AGAP1: variants seen among roughly 807,000 people sequenced by gnomAD.
AGAP1 encodes the protein arf-GAP with GTPase, ANK repeat and PH domain-containing protein 1.
Under a neutral mutation model 105.3 loss-of-function variants are expected in AGAP1, and 29 were observed. The observed-to-expected ratio is 0.28, with a 90% confidence interval of 0.21 to 0.38. AGAP1 has a LOEUF of 0.38. Among genes scored for constraint, AGAP1 ranks in the 10% least tolerant of loss-of-function variants. The pLI is 1.00. For missense variants in AGAP1, 998 were observed against 1,165.1 expected (o/e 0.86, Z 2.09); for synonymous variants, 509 against 485.9 (o/e 1.05, Z -0.63).
intron 9 of AGAP1, among the ~76,000 whole-genome samples, chr2:235,861,899 A>G (rs2048941089): frequency 6.6e-6 from 1 of 152,248 alleles, no homozygotes; most frequent in African/African-American, 2.4e-5. Flanking sequence ...CTGACATGTT[A>G]GATGTAACAT....
rs1946517655 is a variant in AGAP1 at position 235,622,535 on chromosome 2, C to A, written c.164-86644C>A. On this transcript the variant is annotated intron_variant, in intron 1 of 17. Transcript: ENST00000304032. The surrounding 1 kb of genome is among the most constrained non-coding windows in gnomAD (Gnocchi z 5.0). The stretch of plus-strand genomic sequence containing the variant: ...ACAGTGTTGGCTGCTGCTGTGCTTC[C>A]TTTAACTGAACCCCGGTGGCCCAGT... Among the ~76,000 whole-genome samples, 1 of 152,086 alleles carries A rather than the reference C, an allele frequency of 6.6e-6. No individual in the cohort carries two copies. The highest frequency in any genetic ancestry group is 2.4e-5 in the African/African-American group (1 of 41,426).
chr2:235,741,988 C>T lies in AGAP1; in HGVS notation c.396+940C>T, dbSNP rs892763151. On this transcript the variant is annotated intron_variant, in intron 4 of 17. Coordinates refer to ENST00000304032, the MANE Select transcript of AGAP1 (RefSeq NM_001037131.3). The surrounding 1 kb of genome is among the most constrained non-coding windows in gnomAD (Gnocchi z 4.9). Reference sequence around the variant, plus strand: ...CAGGATGGTCTCGATCTCCTGACCTCGTGATCCACTCACCTCGGCCTCCCA... The same window carrying T: ...CAGGATGGTCTCGATCTCCTGACCTTGTGATCCACTCACCTCGGCCTCCCA... 1.3e-5 allele frequency among the ~76,000 whole-genome samples: 2 copies of T among 152,112 alleles called. No homozygotes were observed. Among genetic ancestry groups the T allele is most frequent in the Admixed American group, 6.5e-5 (1 of 15,274 alleles).
In AGAP1 at chr2:235,612,764, C is replaced by T. The variant is rs1043740719; in HGVS notation, c.164-96415C>T. Among the ~76,000 whole-genome samples the T allele has an allele frequency of 5.3e-5, 8 of 152,264 alleles. No homozygotes were observed. Among genetic ancestry groups the T allele is most frequent in the Admixed American group, 1.3e-4 (2 of 15,288 alleles). On this transcript the variant is annotated intron_variant, in intron 1 of 17. Coordinates refer to ENST00000304032, the MANE Select transcript of AGAP1 (RefSeq NM_001037131.3). This position sits in a 1 kb window ranked among gnomAD's most constrained non-coding sequence, Gnocchi z 4.3. ...GCCACCTGGGCTTGCATGCCGGACG[C>T]ATACCTGGCACCTGCTTCCAGGTTG...
At position 235,865,136 on chromosome 2, in the gene AGAP1, ATTC is replaced by A. The variant is rs1432884003; in HGVS notation, c.1051-18206_1051-18204del. On this transcript the variant is annotated intron_variant, in intron 9 of 17. Transcript: ENST00000304032. This position sits in a 1 kb window ranked among gnomAD's most constrained non-coding sequence, Gnocchi z 6.2. ...ACATTTCGGGGCAGTTAGCTGAATA[ATTC>A]TTTTCTTTATTATCCCAAATTACTG... is the stretch of plus-strand genomic sequence containing the variant. Among the ~76,000 whole-genome samples, 1 of 152,210 alleles carries A rather than the reference ATTC, an allele frequency of 6.6e-6. No homozygotes were observed. The highest frequency in any genetic ancestry group is 1.5e-5 in the Non-Finnish European group (1 of 68,034).
Position 235,712,029 on chromosome 2 carries a change from TTTC to T in AGAP1, c.222+2795_222+2797del, listed in dbSNP as rs1037250752. 6.6e-6 allele frequency among the ~76,000 whole-genome samples: 1 copy of T among 151,956 alleles called. No homozygotes were observed. Among genetic ancestry groups the T allele is most frequent in the African/African-American group, 2.4e-5 (1 of 41,270 alleles). On this transcript the variant is annotated intron_variant, in intron 2 of 17. Transcript: ENST00000304032. The surrounding 1 kb of genome is among the most constrained non-coding windows in gnomAD (Gnocchi z 6.0). ...CATGCCTTATGTTTTATTTTCTTTC[TTTC>T]TTTTTTTTTTGTTACGGGGTCTCAC...
At chr2:235,767,491 C>G (rs571190516) in intron 6 of AGAP1, among the ~76,000 whole-genome samples, 3 of 152,112 alleles carry the variant, frequency 2.0e-5, no homozygotes, top group Admixed American at 6.5e-5. Context: ...CATGACCTTA[C>G]CTTTATGCAG....
chr2:235,929,407 C>CT (rs1457381622), intron 11 of AGAP1, among the ~76,000 whole-genome samples: 3 of 152,082 alleles, frequency 2.0e-5, no homozygotes, highest in East Asian at 1.9e-4. Context: ...TCACTGTGGG[C>CT]TTTTTTCTGG....
chr2:235,714,582 G>A lies in AGAP1; in HGVS notation c.223-2975G>A, dbSNP rs1445324073. Among the ~76,000 whole-genome samples, 1 of 151,738 alleles carries A rather than the reference G, an allele frequency of 6.6e-6. No homozygotes were observed. The highest frequency in any genetic ancestry group is 2.4e-5 in the African/African-American group (1 of 41,288). The stretch of plus-strand genomic sequence containing the variant: ...GAGGCGGGAGGGTTGTAACTGGGGT[G>A]TAAGAGGACAGGACCGAGCATAGGT... On this transcript the variant is annotated intron_variant, in intron 2 of 17. Coordinates refer to ENST00000304032, the MANE Select transcript of AGAP1 (RefSeq NM_001037131.3). The surrounding 1 kb of genome is among the most constrained non-coding windows in gnomAD (Gnocchi z 4.1).
Position 235,930,669 on chromosome 2 carries a change from CACTATGT to C in AGAP1, c.1325-95_1325-89del. On this transcript the variant is annotated intron_variant, in intron 11 of 17. Transcript: ENST00000304032. The surrounding 1 kb of genome is among the most constrained non-coding windows in gnomAD (Gnocchi z 7.9). ...AGGGGCTGCTCTCGGTGGTAAGGTGCACTATGTGCCAGCGTGTGGGTCCCATAGACTA... is the reference window on the plus strand; with the variant it reads ...AGGGGCTGCTCTCGGTGGTAAGGTGCGCCAGCGTGTGGGTCCCATAGACTA... The C allele has an allele frequency of 1.6e-6, 2 of 1,248,064 alleles. No individual in the cohort carries two copies. The highest frequency in any genetic ancestry group is 2.2e-6 in the Non-Finnish European group (2 of 911,080). 77.3% of individuals were successfully genotyped at this position (1,248,064 alleles called of 1,614,324 possible).
rs990425302 is a variant in AGAP1, at chr2:235,689,499, G to A, written c.164-19680G>A. 6.6e-6 allele frequency among the ~76,000 whole-genome samples: 1 copy of A among 152,256 alleles called. No individual in the cohort carries two copies. Among genetic ancestry groups the A allele is most frequent in the Non-Finnish European group, 1.5e-5 (1 of 68,050 alleles). On this transcript the variant is annotated intron_variant, in intron 1 of 17. Transcript: ENST00000304032. The surrounding 1 kb of genome is among the most constrained non-coding windows in gnomAD (Gnocchi z 4.2). ...ATAGCTTGTCCAGGAAAATAATAGT[G>A]CGTTTGTAAGCCAGAGAAAGATGGT...
intron 1 of AGAP1, among the ~76,000 whole-genome samples, chr2:235,699,774 G>T (rs1048135466): frequency 6.6e-6 from 1 of 152,190 alleles, no homozygotes; most frequent in Non-Finnish European, 1.5e-5. Context: ...TTCGCAGTGG[G>T]GGTGTCTGCA....
intron 16 of AGAP1, chr2:236,072,679 C>G (rs2058534276): frequency 6.6e-6 from 1 of 152,160 alleles, no homozygotes; most frequent in Non-Finnish European, 1.5e-5. Flanking sequence ...CAGGTTGGCT[C>G]AAATTCCTGA....
chr2:235,751,484 C>T lies in AGAP1; in HGVS notation c.673+996C>T, dbSNP rs1575327701. ...GGAGCCGCTTCAAGGTGATGGAGGACTCGCCGCGCTCTGACCTTGAAGACC... is the reference window on the plus strand; with the variant it reads ...GGAGCCGCTTCAAGGTGATGGAGGATTCGCCGCGCTCTGACCTTGAAGACC... On this transcript the variant is annotated intron_variant, in intron 6 of 17. Coordinates refer to ENST00000304032, the MANE Select transcript of AGAP1 (RefSeq NM_001037131.3). The surrounding 1 kb of genome is among the most constrained non-coding windows in gnomAD (Gnocchi z 5.3). Among the ~76,000 whole-genome samples the T allele has an allele frequency of 6.6e-6, 1 of 152,264 alleles. No individual in the cohort carries two copies. The highest frequency in any genetic ancestry group is 2.4e-5 in the African/African-American group (1 of 41,548).
rs141949900 is a variant in AGAP1, at chr2:235,628,170, G to A, written c.164-81009G>A. ...TAGTTCAGTGGTGAGCGGATGGGGA[G>A]AAGGCAGGGCCAGCCCCCAGCACAC... On this transcript the variant is annotated intron_variant, in intron 1 of 17. Transcript: ENST00000304032. Among the ~76,000 whole-genome samples the A allele has an allele frequency of 4.2e-3, 638 of 152,240 alleles. 2 individuals are homozygous for A. The highest frequency in any genetic ancestry group is 0.015 in the African/African-American group (610 of 41,542).
chr2:235,611,882 C>T lies in AGAP1; in HGVS notation c.164-97297C>T, dbSNP rs1016417505. Among the ~76,000 whole-genome samples, 8 of 152,098 alleles carry T rather than the reference C, an allele frequency of 5.3e-5. No individual in the cohort carries two copies. Among genetic ancestry groups the T allele is most frequent in the Admixed American group, 3.9e-4 (6 of 15,276 alleles). ...TTCCAGTTGTGGAACATATGGTCAC[C>T]GTTCTGTGACTGGGAGCATTGCTGT... is the stretch of plus-strand genomic sequence containing the variant. On this transcript the variant is annotated intron_variant, in intron 1 of 17. Coordinates refer to ENST00000304032, the MANE Select transcript of AGAP1 (RefSeq NM_001037131.3). This position sits in a 1 kb window ranked among gnomAD's most constrained non-coding sequence, Gnocchi z 5.0.
rs746596852 is a variant in AGAP1, at chr2:235,787,095, C to A, written c.674-10664C>A. Reference sequence around the variant, plus strand: ...AGTCGAGCTGGCCTGGGGCCGTGGCCCCACAGGCTTGTGATCAGTGGGCTC... The same window carrying A: ...AGTCGAGCTGGCCTGGGGCCGTGGCACCACAGGCTTGTGATCAGTGGGCTC... On this transcript the variant is annotated intron_variant, in intron 6 of 17. Transcript: ENST00000304032. The surrounding 1 kb of genome is among the most constrained non-coding windows in gnomAD (Gnocchi z 4.4). 6.6e-6 allele frequency among the ~76,000 whole-genome samples: 1 copy of A among 152,202 alleles called. No homozygotes were observed. The highest frequency in any genetic ancestry group is 2.4e-5 in the African/African-American group (1 of 41,444).
At position 235,891,929 on chromosome 2, in the gene AGAP1, G is replaced by A. The variant is rs536091818; in HGVS notation, c.1155+8480G>A. Among the ~76,000 whole-genome samples, 13 of 152,300 alleles carry A rather than the reference G, an allele frequency of 8.5e-5. No individual in the cohort carries two copies. The East Asian group carries it at 2.5e-3, about 29-fold the overall frequency. Reference sequence around the variant, plus strand: ...AGCACTTTGGGAGGCTGAGGTGGATGGATCACCTGAGGTCAGGAGTTCAAG... The same window carrying A: ...AGCACTTTGGGAGGCTGAGGTGGATAGATCACCTGAGGTCAGGAGTTCAAG... On this transcript the variant is annotated intron_variant, in intron 10 of 17. Transcript: ENST00000304032. The surrounding 1 kb of genome is among the most constrained non-coding windows in gnomAD (Gnocchi z 4.2).
chr2:235,944,648 A>T (rs1575843553), intron 12 of AGAP1, among the ~76,000 whole-genome samples: 2 of 152,198 alleles, frequency 1.3e-5, no homozygotes, highest in African/African-American at 4.8e-5. Flanking sequence ...ATACATCTGA[A>T]GTCATCTGGC....
rs2055693144 is a variant in AGAP1 at position 235,994,236 on chromosome 2, C to T, written c.1645+25613C>T. Among the ~76,000 whole-genome samples the T allele has an allele frequency of 6.6e-6, 1 of 152,294 alleles. No homozygotes were observed. Among genetic ancestry groups the T allele is most frequent in the South Asian group, 2.1e-4 (1 of 4,826 alleles). The stretch of plus-strand genomic sequence containing the variant: ...GGCAAGACACCTTCGTCTTAGAGTG[C>T]CTACATCCATTTCTGTTGAAACTGG... On this transcript the variant is annotated intron_variant, in intron 13 of 17. Transcript: ENST00000304032. This position sits in a 1 kb window ranked among gnomAD's most constrained non-coding sequence, Gnocchi z 4.4.
Sources: gnomAD v4.1 joint callset for allele counts (sites outside exome capture counted in the v4.1 genomes callset) on GRCh38, gnomAD v4.1.1 for gene constraint, Gnocchi (gnomAD v3.1) non-coding constraint, MANE v1.5 for transcripts, NCBI Gene and HGNC (gene_info 2026-07-23, HGNC 2026-07-21) for gene names.